The following DPY19L4 variants were observed in gnomAD, a reference collection of about 807,000 sequenced individuals.
DPY19L4 encodes probable C-mannosyltransferase DPY19L4.
DPY19L4 carries 97 observed loss-of-function variants against 102.8 expected under a neutral mutation model. The ratio of observed to expected loss-of-function variants is 0.94; its 90% confidence interval spans 0.80 to 1.12. The LOEUF (loss-of-function observed/expected upper bound fraction) is 1.12, where lower values mean the gene tolerates loss of function less well. DPY19L4 is among the 50% of genes most tolerant of loss of function. DPY19L4 has a pLI of 0.00. For missense variants in DPY19L4, 815 were observed against 850.4 expected (o/e 0.96, Z 0.52); for synonymous variants, 252 against 283.1 (o/e 0.89, Z 1.10).
chr8:94,745,255 G>A (rs1586344498), intron 6 of DPY19L4, among the ~76,000 whole-genome samples: 2 of 152,206 alleles, frequency 1.3e-5, no homozygotes, highest in East Asian at 3.9e-4. Context: ...AAAATCAGAG[G>A]TGAGTGACTC....
At chr8:94,777,377 C>T (rs1441967194) in intron 13 of DPY19L4, among the ~76,000 whole-genome samples, 2 of 152,126 alleles carry the variant, frequency 1.3e-5, no homozygotes, top group African/African-American at 4.8e-5. Flanking sequence ...CACCAAATTG[C>T]CTTCTGAAAG....
At chr8:94,730,805 G>A (rs1181998476) in intron 2 of DPY19L4, among the ~76,000 whole-genome samples, 3 of 140,472 alleles carry the variant, frequency 2.1e-5, no homozygotes, top group Non-Finnish European at 4.6e-5. Context: ...GAGTGCAGTG[G>A]TGTGATCTCA....
Position 94,793,505 on chromosome 8 carries a change from A to G in DPY19L4, c.*3595A>G, listed in dbSNP as rs1295125732. The G allele has an allele frequency of 6.6e-6, 1 of 152,198 alleles. No homozygotes were observed. The highest frequency in any genetic ancestry group is 2.4e-5 in the African/African-American group (1 of 41,452). The allele number at this position is 152,198 out of a possible 1,614,324, so 9.4% of individuals were successfully genotyped here. On this transcript the variant is annotated 3_prime_UTR_variant, in exon 19 of 19. Transcript: ENST00000414645. ...GTTATTAATTAATCTGCATATTTGT[A>G]ACGCAAATAACTACTTCCTGATTTA...
At chr8:94,760,872 G>A (rs1022550110) in intron 7 of DPY19L4, among the ~76,000 whole-genome samples, 2 of 152,162 alleles carry the variant, frequency 1.3e-5, no homozygotes, top group Admixed American at 6.6e-5. Flanking sequence ...ACTTAGCCAG[G>A]CAGATTTTCG....
intron 13 of DPY19L4, 111 bp downstream of exon 13, chr8:94,770,682 G>C: frequency 7.4e-7 from 1 of 1,360,368 alleles, no homozygotes; most frequent in African/African-American, 1.5e-5. Context: ...TGGCTCACCT[G>C]AGTTCAGGAG....
chr8:94,780,551 AT>A (rs1348374947), intron 15 of DPY19L4, 136 bp downstream of exon 15: 124 of 572,952 alleles, frequency 2.2e-4, no homozygotes, highest in South Asian at 3.1e-4. Context: ...GTAATGCTTA[AT>A]TTTTTTTGTT....
intron 14 of DPY19L4, among the ~76,000 whole-genome samples, chr8:94,779,378 A>G (rs1004081404): frequency 4.0e-5 from 6 of 150,290 alleles, no homozygotes; most frequent in Non-Finnish European, 8.9e-5. Context: ...GCTGGAGTGC[A>G]GTGGCACAGT....
intron 6 of DPY19L4, among the ~76,000 whole-genome samples, chr8:94,754,027 C>CA (rs1180926022): frequency 6.6e-6 from 1 of 151,972 alleles, no homozygotes; most frequent in Non-Finnish European, 1.5e-5. Flanking sequence ...ACTAAAAATA[C>CA]AAAAAATTAG....
chr8:94,740,763 G>GT (rs1811410876), intron 6 of DPY19L4, among the ~76,000 whole-genome samples: 1 of 151,776 alleles, frequency 6.6e-6, no homozygotes, highest in African/African-American at 2.4e-5. Context: ...CTGCAATACT[G>GT]TTTTTTTTAT....
intron 2 of DPY19L4, among the ~76,000 whole-genome samples, chr8:94,729,601 A>AAAAG (rs1307153172): frequency 6.7e-6 from 1 of 149,254 alleles, no homozygotes; most frequent in Non-Finnish European, 1.5e-5. Flanking sequence ...CCATCTCAAA[A>AAAAG]AAAAAAAAAA....
chr8:94,771,861 G>A (rs987347640), intron 13 of DPY19L4, among the ~76,000 whole-genome samples: 1 of 152,036 alleles, frequency 6.6e-6, no homozygotes, highest in Non-Finnish European at 1.5e-5. Context: ...TCTTTCAATG[G>A]CAAATGACAT....
In DPY19L4 at chr8:94,777,701, TAGC is replaced by T. The variant is rs745389203; in HGVS notation, c.1495_1497del (p.Ala499del). 9 of 1,613,988 alleles carry T rather than the reference TAGC, an allele frequency of 5.6e-6. No homozygotes were observed. The highest frequency in any genetic ancestry group is 2.7e-5 in the African/African-American group (2 of 74,920). ...ATCTGGATTCCTTATGTGTGCATGT[TAGC>T]AGCATTTGGTGTATGTTCTCCCGAA... On this transcript the variant is annotated inframe_deletion, in exon 14 of 19. Transcript: ENST00000414645.
intron 8 of DPY19L4, among the ~76,000 whole-genome samples, chr8:94,764,508 A>G (rs1812542326): frequency 6.7e-6 from 1 of 149,022 alleles, no homozygotes; most frequent in Non-Finnish European, 1.5e-5. Context: ...CCCGGGAGGC[A>G]GAGCTTGCAG....
At position 94,719,963 on chromosome 8, in the gene DPY19L4, CG is replaced by C. The variant is rs756465624; in HGVS notation, c.-33del. Reference sequence around the variant, plus strand: ...GGAGGGAGGGAGAGTCTGGGCCGCGCGGGAGCCGCAGGGCGCCCTAGCCTTC... The same window carrying C: ...GGAGGGAGGGAGAGTCTGGGCCGCGCGGAGCCGCAGGGCGCCCTAGCCTTC... On this transcript the variant is annotated 5_prime_UTR_variant, in exon 1 of 19. Transcript: ENST00000414645. 2.0e-5 allele frequency: 30 copies of C among 1,504,680 alleles called. No individual in the cohort carries two copies. The East Asian group carries it at 6.2e-4, about 31-fold the overall frequency. 93.2% of individuals were successfully genotyped at this position (1,504,680 alleles called of 1,614,324 possible).
rs1454690597 is a variant in DPY19L4, at chr8:94,793,200, G to A, written c.*3290G>A. ...TTCCACACAGTCCAGATTGATTTAA[G>A]GAAAAGCAGAAATGGAAGTCAAAGT... On this transcript the variant is annotated 3_prime_UTR_variant, in exon 19 of 19. Coordinates refer to ENST00000414645, the MANE Select transcript of DPY19L4 (RefSeq NM_181787.3). The A allele has an allele frequency of 6.6e-6, 1 of 152,054 alleles. No individual in the cohort carries two copies. Among genetic ancestry groups the A allele is most frequent in the East Asian group, 1.9e-4 (1 of 5,192 alleles). 9.4% of individuals were successfully genotyped at this position (152,054 alleles called of 1,614,324 possible). A position where few individuals can be genotyped will look rare whatever the true frequency, so the allele number is the denominator to read the frequency against.
rs1023974808 is a variant in DPY19L4, at chr8:94,722,355, C to T, written c.16+2341C>T. 2.6e-5 allele frequency among the ~76,000 whole-genome samples: 4 copies of T among 152,002 alleles called. No individual in the cohort carries two copies. In the South Asian group the frequency reaches 8.3e-4, roughly 32 times the overall value. On this transcript the variant is annotated intron_variant, in intron 1 of 18. Coordinates refer to ENST00000414645, the MANE Select transcript of DPY19L4 (RefSeq NM_181787.3). ...CCAGGAGGCCGAGGTTGCAGTGAGA[C>T]GAGATCGCCCCACTGCACTCCAGCC...
chr8:94,761,253 G>T (rs1812383256), intron 7 of DPY19L4, among the ~76,000 whole-genome samples: 2 of 152,084 alleles, frequency 1.3e-5, no homozygotes, highest in Non-Finnish European at 2.9e-5. Flanking sequence ...AGGGAACAAA[G>T]GGAAAAATAG....
chr8:94,768,972 T>G, intron 12 of DPY19L4, among the ~76,000 whole-genome samples: 1 of 144,236 alleles, frequency 6.9e-6, no homozygotes, highest in Non-Finnish European at 1.5e-5. Flanking sequence ...ATTGCACCAC[T>G]GCACTCCAGC....
rs371297436 is a variant in DPY19L4, at chr8:94,738,430, A to G, written c.314A>G (p.Asp105Gly). The change falls in exon 4 of 19, where the codon GAT (aspartate) becomes GGT (glycine). Residue 105 changes from aspartate (D) to glycine (G), a missense_variant. Physicochemically the swap from Asp to Gly is moderately conservative, Grantham distance 94. Transcript: ENST00000414645. ...GCCATTTATTACTCCTATTATAAAG[A>G]TATGTTAAAGGCACCTTCATTTGAA... ...DSAIYYSYYKDMLKAPSFERG... is the reference protein window; with the variant it reads ...DSAIYYSYYKGMLKAPSFERG... The G allele has an allele frequency of 5.8e-6, 9 of 1,562,910 alleles. No homozygotes were observed. Among genetic ancestry groups the G allele is most frequent in the East Asian group, 2.4e-5 (1 of 42,514 alleles).
Sources: gnomAD v4.1 joint callset for allele counts (sites outside exome capture counted in the v4.1 genomes callset) on GRCh38, gnomAD v4.1.1 for gene constraint, MANE v1.5 for transcripts, NCBI Gene and HGNC (gene_info 2026-07-23, HGNC 2026-07-21) for gene names.